The following LIPC variants were observed in gnomAD, a reference collection of about 807,000 sequenced individuals.
The protein encoded by LIPC is hepatic triacylglycerol lipase.
LIPC carries 44 observed loss-of-function variants against 50.7 expected under a neutral mutation model. The observed-to-expected ratio is 0.87, with a 90% CI of 0.68 to 1.11. The LOEUF (loss-of-function observed/expected upper bound fraction) is 1.11. Ranked by LOEUF, LIPC falls within the 50% of genes most tolerant of loss-of-function variation. The pLI, the probability that LIPC is intolerant of heterozygous loss-of-function variation, is 0.00. For synonymous variants in LIPC, 271 were observed against 256.4 expected (o/e 1.06, Z -0.54); for missense variants, 697 against 648.2 (o/e 1.08, Z -0.82).
At chr15:58,512,400 C>A (rs1892357141) in intron 1 of LIPC, among the ~76,000 whole-genome samples, 2 of 152,210 alleles carry the variant, frequency 1.3e-5, no homozygotes, top group Admixed American at 6.5e-5. Context: ...CTGCACCTGG[C>A]TGTTTTTCTC....
intron 1 of LIPC, among the ~76,000 whole-genome samples, chr15:58,498,236 G>T (rs1022069305): frequency 6.6e-6 from 1 of 152,068 alleles, no homozygotes; most frequent in Admixed American, 6.5e-5. Flanking sequence ...CAGGATCCTC[G>T]GAAGGGTTTG....
chr15:58,566,854 G>C (rs1432724135), intron 8 of LIPC, among the ~76,000 whole-genome samples: 1 of 152,142 alleles, frequency 6.6e-6, no homozygotes, highest in Non-Finnish European at 1.5e-5. Context: ...TTCAAAAACG[G>C]ACAACACCCA....
At chr15:58,515,766 C>T (rs1892466212) in intron 1 of LIPC, among the ~76,000 whole-genome samples, 1 of 151,918 alleles carries the variant, frequency 6.6e-6, no homozygotes, top group South Asian at 2.1e-4. Flanking sequence ...AGCTGAACGG[C>T]AATAGGGTAG....
intron 6 of LIPC, among the ~76,000 whole-genome samples, chr15:58,554,037 CAT>C (rs1893850344): frequency 6.6e-6 from 1 of 151,854 alleles, no homozygotes; most frequent in Non-Finnish European, 1.5e-5. Flanking sequence ...CAAAGAGAGT[CAT>C]AATATCTCCC....
At chr15:58,544,789 G>C (rs1349764236) in intron 4 of LIPC, among the ~76,000 whole-genome samples, 1 of 152,208 alleles carries the variant, frequency 6.6e-6, no homozygotes, top group African/African-American at 2.4e-5. Flanking sequence ...AGTAGGGAAG[G>C]AAACCAGGGC....
intron 1 of LIPC, among the ~76,000 whole-genome samples, chr15:58,513,040 T>C (rs1892379883): frequency 1.3e-5 from 2 of 151,808 alleles, no homozygotes; most frequent in South Asian, 4.2e-4. Flanking sequence ...TTCAAACTGG[T>C]GGATGTTTCA....
At position 58,524,726 on chromosome 15, in the gene LIPC, A is replaced by G. The variant is rs7176502; in HGVS notation, c.89-13607A>G. The stretch of plus-strand genomic sequence containing the variant: ...TCCTTTTTCTGTGAAACGGCTCCTC[A>G]TGTCCTTGGTTGGCCCATTTTTTGT... On this transcript the variant is annotated intron_variant, in intron 1 of 8. Coordinates refer to ENST00000299022, the MANE Select transcript of LIPC (RefSeq NM_000236.3). Among the ~76,000 whole-genome samples the G allele has an allele frequency of 6.2e-3, 943 of 152,312 alleles. 7 individuals carry two copies. Among genetic ancestry groups the G allele is most frequent in the African/African-American group, 0.022 (906 of 41,576 alleles).
chr15:58,475,385 C>A (rs1268336836), intron 1 of LIPC, among the ~76,000 whole-genome samples: 5 of 152,256 alleles, frequency 3.3e-5, no homozygotes, highest in Admixed American at 6.5e-5. Flanking sequence ...AGCCCGGCCA[C>A]CCAGGCCCTT....
chr15:58,546,761 G>A (rs1485874585), intron 5 of LIPC, among the ~76,000 whole-genome samples: 2 of 152,118 alleles, frequency 1.3e-5, no homozygotes, highest in Non-Finnish European at 2.9e-5. Context: ...ACCTCACCCT[G>A]ATCATCCAAC....
intron 1 of LIPC, among the ~76,000 whole-genome samples, chr15:58,519,800 T>G (rs8029629): frequency 0.013 from 2,046 of 152,284 alleles, 51 homozygotes; most frequent in African/African-American, 0.046. Context: ...ATCCGTTTCT[T>G]TACATTTTAA....
chr15:58,496,940 C>T (rs2140825728), intron 1 of LIPC, among the ~76,000 whole-genome samples: 1 of 152,258 alleles, frequency 6.6e-6, no homozygotes, highest in Middle Eastern at 3.4e-3. Context: ...CCGCCTCAGC[C>T]TCCCAAAGTG....
Position 58,513,844 on chromosome 15 carries a change from C to T in LIPC, c.89-24489C>T, listed in dbSNP as rs534201768. 7.2e-5 allele frequency among the ~76,000 whole-genome samples: 11 copies of T among 152,290 alleles called. No individual in the cohort carries two copies. The South Asian group carries it at 2.3e-3, about 32-fold the overall frequency. ...AGGACTCCTCACCATGCACATTTCTCTTGGGTGTGGTGGGAGGAGCATTTC... is the reference window on the plus strand; with the variant it reads ...AGGACTCCTCACCATGCACATTTCTTTTGGGTGTGGTGGGAGGAGCATTTC... On this transcript the variant is annotated intron_variant, in intron 1 of 8. Transcript: ENST00000299022.
At chr15:58,550,486 A>G (rs1893709646) in intron 6 of LIPC, among the ~76,000 whole-genome samples, 2 of 152,198 alleles carry the variant, frequency 1.3e-5, no homozygotes, top group African/African-American at 4.8e-5. Context: ...GTGAACTCAC[A>G]AGGATCCCTT....
intron 1 of LIPC, among the ~76,000 whole-genome samples, chr15:58,533,434 C>A (rs8037149): frequency 6.6e-6 from 1 of 151,898 alleles, no homozygotes; most frequent in Non-Finnish European, 1.5e-5. Flanking sequence ...TAGGATCACA[C>A]GTAAGGAACT....
chr15:58,437,221 A>T (rs939683329), intron 1 of LIPC, among the ~76,000 whole-genome samples: 5 of 152,126 alleles, frequency 3.3e-5, no homozygotes, highest in African/African-American at 1.2e-4. Flanking sequence ...GAGCCTCCTG[A>T]GATGGTGCCC....
chr15:58,471,329 G>GGGGA lies in LIPC; in HGVS notation c.88+39212_88+39213insAGGG, dbSNP rs1555399300. ...TTTTTTTTGTATTTTTAGTAGAGAT[G>GGGGA]GGGGGGGGTGGTCTCACCATGTTGG... is the stretch of plus-strand genomic sequence containing the variant. On this transcript the variant is annotated intron_variant, in intron 1 of 8. Coordinates refer to ENST00000299022, the MANE Select transcript of LIPC (RefSeq NM_000236.3). Among the ~76,000 whole-genome samples the GGGGA allele has an allele frequency of 9.5e-4, 7 of 7,368 alleles. 1 individual carries two copies. The highest frequency in any genetic ancestry group is 3.2e-3 in the Non-Finnish European group (5 of 1,564). The allele number at this position is 7,368 out of a possible 152,430, so 4.8% of individuals were successfully genotyped here.
intron 1 of LIPC, among the ~76,000 whole-genome samples, chr15:58,437,294 A>G (rs1432527509): frequency 6.6e-6 from 1 of 152,108 alleles, no homozygotes; most frequent in Non-Finnish European, 1.5e-5. Flanking sequence ...CAAATTATCA[A>G]AGGGACCTGT....
At chr15:58,558,855 C>G (rs940302828) in intron 6 of LIPC, among the ~76,000 whole-genome samples, 1 of 152,196 alleles carries the variant, frequency 6.6e-6, no homozygotes, top group Non-Finnish European at 1.5e-5. Flanking sequence ...TAAATCAACT[C>G]TTAGTATTTG....
intron 1 of LIPC, among the ~76,000 whole-genome samples, chr15:58,520,735 G>C (rs563038939): frequency 6.6e-6 from 1 of 152,164 alleles, no homozygotes; most frequent in Non-Finnish European, 1.5e-5. Flanking sequence ...TTCTTCTCTC[G>C]GGCCAGCAGG....
Sources: allele counts gnomAD v4.1 joint callset (sites outside exome capture counted in the v4.1 genomes callset), GRCh38; gene constraint gnomAD v4.1.1; transcripts MANE v1.5; gene names NCBI Gene and HGNC (gene_info 2026-07-23, HGNC 2026-07-21).